The following ERICH3 variants were observed in gnomAD, a reference collection of about 807,000 sequenced individuals.
The protein encoded by ERICH3 is glutamate rich 3.
A neutral mutation model predicts 131.1 loss-of-function variants in ERICH3; 126 were observed. That is an observed-to-expected ratio of 0.96 (90% CI 0.83 to 1.11). ERICH3 has a LOEUF of 1.11. Among genes scored for constraint, ERICH3 ranks in the 50% most tolerant of loss-of-function variants. The pLI is 0.00. For synonymous variants in ERICH3, 695 were observed against 644.6 expected (o/e 1.08, Z -1.18); for missense variants, 2,050 against 1,810.7 (o/e 1.13, Z -2.40).
At chr1:74,646,625 G>GA (rs1457053576) in intron 3 of ERICH3, 42 bp downstream of exon 3, 11 of 1,068,788 alleles carry the variant, frequency 1.0e-5, no homozygotes, top group Non-Finnish European at 1.4e-5. Flanking sequence ...TGTGGAAGTA[G>GA]AAAAAAATAA....
At chr1:74,594,104 T>C (rs891875621) in intron 11 of ERICH3, among the ~76,000 whole-genome samples, 1 of 152,146 alleles carries the variant, frequency 6.6e-6, no homozygotes, top group South Asian at 2.1e-4. Context: ...ACTTAAAATA[T>C]TCTGAGGCAC....
At chr1:74,601,655 C>T (rs1047740370) in intron 10 of ERICH3, among the ~76,000 whole-genome samples, 4 of 151,820 alleles carry the variant, frequency 2.6e-5, no homozygotes, top group Non-Finnish European at 5.9e-5. Flanking sequence ...AATACACATA[C>T]ATATATCACA....
intron 11 of ERICH3, among the ~76,000 whole-genome samples, chr1:74,593,619 G>C (rs1224813273): frequency 6.6e-6 from 1 of 151,776 alleles, no homozygotes; most frequent in Non-Finnish European, 1.5e-5. Context: ...TTTCTTTCTT[G>C]TGATATTGAG....
At chr1:74,582,537 T>G (rs965121058) in intron 12 of ERICH3, among the ~76,000 whole-genome samples, 1 of 152,186 alleles carries the variant, frequency 6.6e-6, no homozygotes, top group Non-Finnish European at 1.5e-5. Flanking sequence ...CTAATTAACA[T>G]TCTCCCTAAA....
At chr1:74,668,530 C>G (rs942007837) in intron 1 of ERICH3, among the ~76,000 whole-genome samples, 2 of 152,172 alleles carry the variant, frequency 1.3e-5, no homozygotes, top group Non-Finnish European at 2.9e-5. Context: ...GAAAGATCAT[C>G]AAAAACATTT....
intron 10 of ERICH3, among the ~76,000 whole-genome samples, chr1:74,604,879 A>G (rs1648308691): frequency 6.6e-6 from 1 of 151,890 alleles, no homozygotes; most frequent in Admixed American, 6.6e-5. Flanking sequence ...CTTCATCATG[A>G]ACTCACCAGC....
At chr1:74,630,151 C>T (rs989266952) in intron 7 of ERICH3, among the ~76,000 whole-genome samples, 1 of 152,056 alleles carries the variant, frequency 6.6e-6, no homozygotes, top group East Asian at 1.9e-4. Context: ...TCAAATCCTG[C>T]CCCCCAAGTG....
chr1:74,606,341 C>T (rs115907746), intron 10 of ERICH3, among the ~76,000 whole-genome samples: 262 of 151,952 alleles, frequency 1.7e-3, no homozygotes, highest in African/African-American at 6.1e-3. Context: ...GAGTCTCTAA[C>T]TCACATTGAC....
intron 10 of ERICH3, among the ~76,000 whole-genome samples, chr1:74,603,040 T>C (rs1194302927): frequency 1.3e-5 from 2 of 150,540 alleles, no homozygotes; most frequent in African/African-American, 4.8e-5. Context: ...AATTATTCTC[T>C]TGGATTTCTG....
At chr1:74,591,864 CT>C (rs1158198757) in intron 11 of ERICH3, 5 of 152,010 alleles carry the variant, frequency 3.3e-5, no homozygotes, top group Non-Finnish European at 5.9e-5. Flanking sequence ...TAAATGCTGC[CT>C]ATTTTTTTGT....
intron 11 of ERICH3, among the ~76,000 whole-genome samples, chr1:74,598,965 C>T (rs1647988591): frequency 6.6e-6 from 1 of 151,674 alleles, no homozygotes; most frequent in Non-Finnish European, 1.5e-5. Context: ...TTGCTATTAG[C>T]AATAATAAGT....
At chr1:74,586,517 T>G in intron 12 of ERICH3, 1 of 981,496 alleles carries the variant, frequency 1.0e-6, no homozygotes, top group South Asian at 4.7e-5. Context: ...GTTTAAACAT[T>G]TAAACCAAAT....
intron 8 of ERICH3, among the ~76,000 whole-genome samples, chr1:74,614,225 A>G (rs17095671): frequency 0.01 from 1,550 of 152,294 alleles, 25 homozygotes; most frequent in African/African-American, 0.035. Flanking sequence ...TGTGAAATCC[A>G]TAAGAGCTGA....
chr1:74,667,124 A>G (rs1646699768), intron 1 of ERICH3, among the ~76,000 whole-genome samples: 1 of 152,134 alleles, frequency 6.6e-6, no homozygotes, highest in African/African-American at 2.4e-5. Context: ...ATAAATATAT[A>G]TCTGTTCACT....
chr1:74,646,549 A>T, intron 3 of ERICH3, 118 bp downstream of exon 3: 1 of 613,090 alleles, frequency 1.6e-6, no homozygotes. Flanking sequence ...AGCATTATTA[A>T]TTATCATATT....
intron 10 of ERICH3, 41 bp from the exon 11 acceptor site, chr1:74,599,972 C>A: frequency 1.4e-6 from 2 of 1,398,026 alleles, no homozygotes; most frequent in Non-Finnish European, 2.0e-6. Context: ...GAAAATAGAA[C>A]CCCTTATACT....
chr1:74,605,085 C>T (rs1648322108), intron 10 of ERICH3, among the ~76,000 whole-genome samples: 1 of 151,952 alleles, frequency 6.6e-6, no homozygotes. Flanking sequence ...GATAAAATTG[C>T]AGCAGCTCCT....
rs1268175025 is a variant in ERICH3 at position 74,604,726 on chromosome 1, G to A, written c.1489+1875C>T. Among the ~76,000 whole-genome samples the A allele has an allele frequency of 2.0e-5, 3 of 151,876 alleles. No individual in the cohort carries two copies. In the East Asian group the frequency reaches 5.8e-4, roughly 29 times the overall value. The stretch of plus-strand genomic sequence containing the variant: ...CCTGAGCAGTAGGTCTCAACAGTGG[G>A]CTGAAAATACTCTGCAAACCATGCT... On this transcript the variant is annotated intron_variant, in intron 10 of 14. Coordinates refer to ENST00000326665, the MANE Select transcript of ERICH3 (RefSeq NM_001002912.5).
At chr1:74,652,273 A>G (rs1248896039) in intron 1 of ERICH3, among the ~76,000 whole-genome samples, 3 of 152,154 alleles carry the variant, frequency 2.0e-5, no homozygotes, top group African/African-American at 2.4e-5. Context: ...CACTGCATGC[A>G]TATACATGTG....
Sources: gnomAD v4.1 joint callset for allele counts (sites outside exome capture counted in the v4.1 genomes callset) on GRCh38, gnomAD v4.1.1 for gene constraint, MANE v1.5 for transcripts, NCBI Gene and HGNC (gene_info 2026-07-23, HGNC 2026-07-21) for gene names.